ARAP2: variants seen among roughly 807,000 people sequenced by gnomAD.
The protein encoded by ARAP2 is ArfGAP with RhoGAP domain, ankyrin repeat and PH domain 2, also known as arf-GAP with Rho-GAP domain, ANK repeat and PH domain-containing protein 2.
ARAP2 carries 148 observed loss-of-function variants against 194.5 expected under a neutral mutation model. The observed-to-expected ratio is 0.76, with a 90% CI of 0.67 to 0.87. The LOEUF (loss-of-function observed/expected upper bound fraction) is 0.87, where lower values mean the gene tolerates loss of function less well. ARAP2 is among the 40% of genes least tolerant of loss of function. ARAP2 has a pLI of 0.00. For missense variants in ARAP2, 2,128 were observed against 1,989.7 expected (o/e 1.07, Z -1.32); for synonymous variants, 695 against 683.5 (o/e 1.02, Z -0.26).
At chr4:36,186,184 T>A (rs1330360628) in intron 8 of ARAP2, among the ~76,000 whole-genome samples, 1 of 152,156 alleles carries the variant, frequency 6.6e-6, no homozygotes, top group Non-Finnish European at 1.5e-5. Flanking sequence ...GTCCATAAAA[T>A]AAGTTAAATA....
In ARAP2 at chr4:36,177,987, A is replaced by G; in HGVS notation, c.1697T>C (p.Ile566Thr). 6.2e-7 allele frequency: 1 copy of G among 1,602,816 alleles called. No individual in the cohort carries two copies. Among genetic ancestry groups the G allele is most frequent in the Non-Finnish European group, 8.5e-7 (1 of 1,176,174 alleles). Residue 566 changes from isoleucine to threonine, a missense_variant, in exon 9 of 33, where the codon ATC (isoleucine) becomes ACC (threonine). By Grantham distance (89) the Ile-to-Thr change is moderately conservative. Transcript: ENST00000303965. ...TTTCAGTGCATTTAATAGTATGCTG[A>G]TCCAGTCATTTCTCTCCTCTGAAAA... ...VEKEEERNDW[I>T]SILLNALKSQ...
intron 27 of ARAP2, among the ~76,000 whole-genome samples, chr4:36,094,694 T>G (rs1714707909): frequency 6.6e-6 from 1 of 152,142 alleles, no homozygotes; most frequent in Non-Finnish European, 1.5e-5. Flanking sequence ...CTGAGCACCC[T>G]TTAAGTGAAC....
chr4:36,053,810 C>T (rs368413643), intron 2 of ARAP2, among the ~76,000 whole-genome samples: 6 of 152,092 alleles, frequency 3.9e-5, no homozygotes, highest in African/African-American at 9.7e-5. Flanking sequence ...CAAGTTTATT[C>T]GCATTATGGA....
chr4:36,071,693 A>T lies in ARAP2; in HGVS notation c.4743+1996T>A, dbSNP rs4833056. ...TAATTTTTTTTTGAGTTTTTTTTTA[A>T]TTTTTTTTCTTTTTTTTTTATTATA... On this transcript the variant is annotated intron_variant, in intron 32 of 32. Coordinates refer to ENST00000303965, the MANE Select transcript of ARAP2 (RefSeq NM_015230.4). Among the ~76,000 whole-genome samples, 111 of 147,192 alleles carry T rather than the reference A, an allele frequency of 7.5e-4. 2 individuals are homozygous for T. The highest frequency in any genetic ancestry group is 1.1e-3 in the South Asian group (5 of 4,750).
At chr4:36,069,809 G>A (rs1274416642) in intron 32 of ARAP2, among the ~76,000 whole-genome samples, 1 of 152,140 alleles carries the variant, frequency 6.6e-6, no homozygotes, top group African/African-American at 2.4e-5. Context: ...GATGAGGCCT[G>A]ATAGGAGGTG....
At chr4:36,039,213 C>A (rs1720426323) in intron 5 of ARAP2, among the ~76,000 whole-genome samples, 2 of 152,184 alleles carry the variant, frequency 1.3e-5, no homozygotes, top group Non-Finnish European at 2.9e-5. Flanking sequence ...CACCTGCCAT[C>A]TCTTAGTCAC....
intron 22 of ARAP2, among the ~76,000 whole-genome samples, 184 bp from the exon 23 acceptor site, chr4:36,121,510 C>T (rs1722676278): frequency 6.6e-6 from 1 of 151,638 alleles, no homozygotes; most frequent in South Asian, 2.1e-4. Flanking sequence ...TTAAGAACAT[C>T]AGAAAAAGTA....
intron 5 of ARAP2, among the ~76,000 whole-genome samples, chr4:36,044,853 G>A (rs1197050481): frequency 2.0e-5 from 3 of 151,374 alleles, no homozygotes; most frequent in African/African-American, 7.3e-5. Flanking sequence ...TCAATAACAA[G>A]GAAATAACCC....
intron 1 of ARAP2, among the ~76,000 whole-genome samples, chr4:36,241,443 G>A (rs541956597): frequency 5.9e-5 from 9 of 151,976 alleles, no homozygotes; most frequent in South Asian, 2.1e-4. Flanking sequence ...AACACTACTC[G>A]CTCCAAGATA....
chr4:36,144,333 T>G (rs1269686011), intron 19 of ARAP2, among the ~76,000 whole-genome samples: 1 of 151,834 alleles, frequency 6.6e-6, no homozygotes, highest in Non-Finnish European at 1.5e-5. Flanking sequence ...GAAGTAGCAG[T>G]TAGTAGGCAT....
At chr4:36,204,898 G>A (rs558238600) in intron 6 of ARAP2, among the ~76,000 whole-genome samples, 23 of 145,616 alleles carry the variant, frequency 1.6e-4, no homozygotes, top group African/African-American at 5.8e-4. Flanking sequence ...CTGTGGCAGA[G>A]AACTGCTTGA....
intron 16 of ARAP2, among the ~76,000 whole-genome samples, chr4:36,148,867 A>G (rs747211474): frequency 1.3e-5 from 2 of 152,108 alleles, no homozygotes; most frequent in Non-Finnish European, 2.9e-5. Context: ...AACACTGCCC[A>G]AACAGTTTTT....
chr4:36,034,862 T>C (rs1490617014), intron 5 of ARAP2, among the ~76,000 whole-genome samples: 1 of 152,142 alleles, frequency 6.6e-6, no homozygotes, highest in African/African-American at 2.4e-5. Flanking sequence ...GGTTTTTGTC[T>C]TTAGTTCTTT....
intron 27 of ARAP2, among the ~76,000 whole-genome samples, chr4:36,103,714 C>T (rs1285692397): frequency 6.6e-6 from 1 of 151,692 alleles, no homozygotes; most frequent in Non-Finnish European, 1.5e-5. Flanking sequence ...CAACAAAAAA[C>T]ACACTTACTC....
intron 6 of ARAP2, among the ~76,000 whole-genome samples, chr4:36,202,911 C>T (rs1327067959): frequency 2.0e-5 from 3 of 152,184 alleles, no homozygotes; most frequent in African/African-American, 7.2e-5. Flanking sequence ...GCTAATCCAG[C>T]ATTCGATTAA....
rs550437677 is a variant in ARAP2 at position 36,228,981 on chromosome 4, G to C, written c.506C>G (p.Ser169Cys). Residue 169 changes from serine (S) to cysteine (C), a missense_variant, in exon 2 of 33, where the codon TCT becomes TGT. Coordinates refer to ENST00000303965, the MANE Select transcript of ARAP2 (RefSeq NM_015230.4). ...PHLNLGSLNDSLFGSDNIKIE... is the reference protein window; with the variant it reads ...PHLNLGSLNDCLFGSDNIKIE... ...TTTAATATTGTCACTACCAAATAAA[G>C]AATCATTCAAAGAACCCAAATTCAG... The C allele has an allele frequency of 8.7e-6, 14 of 1,613,912 alleles. No individual in the cohort carries two copies. In the East Asian group the frequency reaches 3.1e-4, roughly 36 times the overall value.
Position 36,133,263 on chromosome 4 carries a change from A to G in ARAP2, c.3390T>C (p.Ile1130=), listed in dbSNP as rs758404784. 1 of 1,611,098 alleles carries G rather than the reference A, an allele frequency of 6.2e-7. No homozygotes were observed. The highest frequency in any genetic ancestry group is 8.5e-7 in the Non-Finnish European group (1 of 1,178,140). Residue 1130 remains isoleucine (I), a synonymous_variant, in exon 20 of 33, where the codon ATT becomes ATC. Transcript: ENST00000303965. ...CAAATGCTATACAGCTGTTCACTAT[A>G]ATGGGAACGTCATTTTTGCTGAGCT... The part of the protein sequence containing the change: ...DQQLSKNDVP[I]IVNSCIAFVT...
chr4:36,031,318 A>AT (rs1718909486), intron 5 of ARAP2, among the ~76,000 whole-genome samples: 1 of 152,186 alleles, frequency 6.6e-6, no homozygotes, highest in Non-Finnish European at 1.5e-5. Context: ...ACCATTCCCC[A>AT]TGAAATACAT....
At chr4:36,212,191 C>T (rs948911685) in intron 5 of ARAP2, among the ~76,000 whole-genome samples, 3 of 112,070 alleles carry the variant, frequency 2.7e-5, no homozygotes, top group African/African-American at 9.7e-5. Flanking sequence ...TAATCTGCCA[C>T]AGAATGCAAC....
Sources: gnomAD v4.1 joint callset for allele counts (sites outside exome capture counted in the v4.1 genomes callset) on GRCh38, gnomAD v4.1.1 for gene constraint, MANE v1.5 for transcripts, NCBI Gene and HGNC (gene_info 2026-07-23, HGNC 2026-07-21) for gene names.